Variants in IGF1R observed in about 807,000 individuals in gnomAD.
IGF1R encodes the protein insulin-like growth factor 1 receptor.
Under a neutral mutation model 144.6 loss-of-function variants are expected in IGF1R, and 44 were observed. The observed-to-expected ratio is 0.30, with a 90% CI of 0.24 to 0.39. IGF1R has a LOEUF of 0.39. Ranked by LOEUF, IGF1R falls within the 10% of genes least tolerant of loss-of-function variation. The probability of loss-of-function intolerance (pLI) is 1.00; values close to 1 mark genes in which losing one functional copy is unlikely to be tolerated. For missense variants in IGF1R, 1,355 were observed against 1,833.7 expected, an observed-to-expected ratio of 0.74 and a Z score of 4.77; for synonymous variants, 795 against 722.8, an observed-to-expected ratio of 1.10 and a Z score of -1.60.
intron 2 of IGF1R, among the ~76,000 whole-genome samples, chr15:98,883,505 C>T (rs781269069): frequency 1.3e-5 from 2 of 152,198 alleles, no homozygotes; most frequent in African/African-American, 2.4e-5. Context: ...AGCTGTAATA[C>T]GGTGGCTCTC....
chr15:98,835,107 A>ACCCACACACACC (rs1449966832), intron 2 of IGF1R, among the ~76,000 whole-genome samples: 17 of 134,282 alleles, frequency 1.3e-4, no homozygotes, highest in African/African-American at 5.3e-4. Flanking sequence ...ACACACACAC[A>ACCCACACACACC]CACCCCTACA....
chr15:98,828,130 C>T (rs1381047401), intron 2 of IGF1R, among the ~76,000 whole-genome samples: 2 of 152,102 alleles, frequency 1.3e-5, no homozygotes, highest in African/African-American at 4.8e-5. Context: ...GTGATCACTC[C>T]ATAGTGGTTT....
At chr15:98,792,982 TG>T (rs754668388) in intron 2 of IGF1R, among the ~76,000 whole-genome samples, 5 of 152,192 alleles carry the variant, frequency 3.3e-5, no homozygotes, top group Non-Finnish European at 5.9e-5. Context: ...TTTGTTGGGT[TG>T]TTTTTTTTCT....
rs549602240 is a variant in IGF1R at position 98,882,225 on chromosome 15, T to C, written c.641-9100T>C. Among the ~76,000 whole-genome samples, 3 of 152,322 alleles carry C rather than the reference T, an allele frequency of 2.0e-5. No homozygotes were observed. In the South Asian group the frequency reaches 6.2e-4, roughly 32 times the overall value. ...GTGACCGTCATCTTGGAATATTGTT[T>C]GAAAGTCTGACCTGTACAAAGCAGC... On this transcript the variant is annotated intron_variant, in intron 2 of 20. Coordinates refer to ENST00000650285, the MANE Select transcript of IGF1R (RefSeq NM_000875.5).
intron 5 of IGF1R, chr15:98,900,562 C>G (rs1256066144): frequency 6.6e-6 from 1 of 152,246 alleles, no homozygotes; most frequent in East Asian, 1.9e-4. Flanking sequence ...GTCTTAAATT[C>G]TTAAAATTCC....
At chr15:98,661,955 CCTTTTTTTTT>C (rs1464859784) in intron 1 of IGF1R, among the ~76,000 whole-genome samples, 1 of 108,206 alleles carries the variant, frequency 9.2e-6, no homozygotes, top group Non-Finnish European at 1.8e-5. Context: ...TGAATAGGGC[CCTTTTTTTTT>C]TTTTTTTTTT....
Position 98,916,712 on chromosome 15 carries a change from C to T in IGF1R, c.2037C>T (p.Asp679=), listed in dbSNP as rs2151682679. 2 of 1,614,098 alleles carry T rather than the reference C, an allele frequency of 1.2e-6. No homozygotes were observed. The highest frequency in any genetic ancestry group is 1.7e-6 in the Non-Finnish European group (2 of 1,180,020). Residue 679 remains aspartate (D), a synonymous_variant, in exon 10 of 21, where the codon GAC becomes GAT. Coordinates refer to ENST00000650285, the MANE Select transcript of IGF1R (RefSeq NM_000875.5). Reference sequence around the variant, plus strand: ...GGAAGTATGCCGACGGCACCATCGACATTGAGGAGGTCACAGAGAACCCCA... The same window carrying T: ...GGAAGTATGCCGACGGCACCATCGATATTGAGGAGGTCACAGAGAACCCCA... ...PIRKYADGTI[D]IEEVTENPKT...
intron 2 of IGF1R, among the ~76,000 whole-genome samples, chr15:98,830,622 T>TTTTTTTTTTTG (rs1567150757): frequency 1.3e-5 from 2 of 150,942 alleles, no homozygotes; most frequent in African/African-American, 2.4e-5. Flanking sequence ...TTTTTTTTTT[T>TTTTTTTTTTTG]AGATGGAGTC....
At chr15:98,828,247 G>T (rs1055234496) in intron 2 of IGF1R, among the ~76,000 whole-genome samples, 10 of 152,168 alleles carry the variant, frequency 6.6e-5, no homozygotes, top group Non-Finnish European at 1.3e-4. Flanking sequence ...TCCACAGTCA[G>T]ACCGTCAGCT....
intron 2 of IGF1R, among the ~76,000 whole-genome samples, chr15:98,788,176 A>G (rs1382527432): frequency 2.0e-5 from 3 of 151,982 alleles, no homozygotes; most frequent in African/African-American, 4.8e-5. Context: ...GAACAAATGC[A>G]TGGTAGGAAT....
intron 2 of IGF1R, among the ~76,000 whole-genome samples, chr15:98,873,192 C>G (rs1333635773): frequency 6.6e-6 from 1 of 152,138 alleles, no homozygotes; most frequent in Non-Finnish European, 1.5e-5. Flanking sequence ...TCTCACAAGA[C>G]TTATTGATGC....
intron 2 of IGF1R, among the ~76,000 whole-genome samples, chr15:98,872,347 C>T (rs2012826362): frequency 6.6e-6 from 1 of 152,148 alleles, no homozygotes; most frequent in South Asian, 2.1e-4. Context: ...AGAGACATGG[C>T]TTGGGGTCTC....
chr15:98,860,079 C>A (rs1383456126), intron 2 of IGF1R, among the ~76,000 whole-genome samples: 2 of 152,082 alleles, frequency 1.3e-5, no homozygotes, highest in African/African-American at 4.8e-5. Flanking sequence ...CCATACCTGG[C>A]TAATTTTTGT....
At chr15:98,776,590 C>G (rs925110235) in intron 2 of IGF1R, among the ~76,000 whole-genome samples, 4 of 152,170 alleles carry the variant, frequency 2.6e-5, no homozygotes, top group African/African-American at 9.7e-5. Flanking sequence ...CCCTCCTTCC[C>G]CCTACCTCCC....
rs945988730 is a variant in IGF1R at position 98,922,090 on chromosome 15, A to T, written c.2202-58A>T. ...TTCTTCTGTTACTCTTACTCAAGTCATAGAAAAGACAAAAGAGGTAAAAGT... is the reference window on the plus strand; with the variant it reads ...TTCTTCTGTTACTCTTACTCAAGTCTTAGAAAAGACAAAAGAGGTAAAAGT... On this transcript the variant is annotated intron_variant, in intron 10 of 20. Coordinates refer to ENST00000650285, the MANE Select transcript of IGF1R (RefSeq NM_000875.5). The T allele has an allele frequency of 2.5e-6, 4 of 1,585,148 alleles. No homozygotes were observed. The African/African-American group carries it at 5.4e-5, about 21-fold the overall frequency.
chr15:98,650,164 G>A (rs2052317809), intron 1 of IGF1R, among the ~76,000 whole-genome samples: 1 of 152,106 alleles, frequency 6.6e-6, no homozygotes, highest in South Asian at 2.1e-4. Flanking sequence ...GCGGGCAGCC[G>A]CCCGGCCCGC....
chr15:98,914,711 CA>C (rs2015167777), intron 8 of IGF1R, among the ~76,000 whole-genome samples: 1 of 152,162 alleles, frequency 6.6e-6, no homozygotes, highest in South Asian at 2.1e-4. Flanking sequence ...TTCCTTTCCA[CA>C]AAGATGGAAA....
chr15:98,817,600 G>C (rs776263565), intron 2 of IGF1R, among the ~76,000 whole-genome samples: 3 of 152,130 alleles, frequency 2.0e-5, no homozygotes, highest in African/African-American at 7.2e-5. Context: ...AGAAAAAGCT[G>C]TCACATGGGC....
Position 98,935,014 on chromosome 15 carries a change from C to T in IGF1R, c.3147C>T (p.Asn1049=), listed in dbSNP as rs139635235. 5 of 1,614,084 alleles carry T rather than the reference C, an allele frequency of 3.1e-6. No homozygotes were observed. The highest frequency in any genetic ancestry group is 2.7e-5 in the African/African-American group (2 of 75,024). ...ASMRERIEFL[N]EASVMKEFNC... ...TGCGTGAGAGGATTGAGTTTCTCAACGAAGCTTCTGTGATGAAGGAGTTCA... is the reference window on the plus strand; with the variant it reads ...TGCGTGAGAGGATTGAGTTTCTCAATGAAGCTTCTGTGATGAAGGAGTTCA... The change falls in exon 16 of 21, where the codon AAC becomes AAT. Residue 1049 remains asparagine, a synonymous_variant. Coordinates refer to ENST00000650285, the MANE Select transcript of IGF1R (RefSeq NM_000875.5). The surrounding 1 kb of genome is among the most constrained non-coding windows in gnomAD (Gnocchi z 4.2).
Sources: gnomAD v4.1 joint callset for allele counts (sites outside exome capture counted in the v4.1 genomes callset) on GRCh38, gnomAD v4.1.1 for gene constraint, Gnocchi (gnomAD v3.1) non-coding constraint, MANE v1.5 for transcripts, NCBI Gene and HGNC (gene_info 2026-07-23, HGNC 2026-07-21) for gene names.